Variants in FARP1 observed in about 807,000 individuals in gnomAD.
FARP1 encodes FERM, ARH/RhoGEF and pleckstrin domain protein 1.
FARP1 carries 52 observed loss-of-function variants against 128.8 expected under a neutral mutation model. The ratio of observed to expected loss-of-function variants is 0.40; its 90% CI spans 0.32 to 0.51. FARP1 has a LOEUF of 0.51. FARP1 is among the 20% of genes least tolerant of loss of function. FARP1 has a pLI of 0.45. For synonymous variants in FARP1, 580 were observed against 551.8 expected (o/e 1.05, Z -0.72); for missense variants, 1,333 against 1,367.9 (o/e 0.97, Z 0.40).
intron 3 of FARP1, among the ~76,000 whole-genome samples, chr13:98,356,479 G>A (rs1045750193): frequency 1.3e-5 from 2 of 152,068 alleles, no homozygotes; most frequent in Admixed American, 6.5e-5. Context: ...TCACTATGCG[G>A]TGCATGACTG....
At chr13:98,332,326 TA>T (rs1238259907) in intron 2 of FARP1, 1 of 152,150 alleles carries the variant, frequency 6.6e-6, no homozygotes, top group Admixed American at 6.6e-5. Context: ...TACCTGTTTG[TA>T]AAGTTCTTTT....
In FARP1 at chr13:98,354,100, A is replaced by G. The variant is rs139258762; in HGVS notation, c.276+10234A>G. Reference sequence around the variant, plus strand: ...CCTGAAACCCCACACATTGCATTGTAATATTGTCTTGGTTTGATTCCAAAG... The same window carrying G: ...CCTGAAACCCCACACATTGCATTGTGATATTGTCTTGGTTTGATTCCAAAG... On this transcript the variant is annotated intron_variant, in intron 3 of 26. Coordinates refer to ENST00000319562, the MANE Select transcript of FARP1 (RefSeq NM_005766.4). Among the ~76,000 whole-genome samples the G allele has an allele frequency of 2.4e-3, 365 of 152,352 alleles. 5 individuals carry two copies. Among genetic ancestry groups the G allele is most frequent in the African/African-American group, 8.0e-3 (332 of 41,586 alleles).
chr13:98,434,649 T>C (rs1566317376), intron 18 of FARP1: 1 of 152,202 alleles, frequency 6.6e-6, no homozygotes, highest in Non-Finnish European at 1.5e-5. Flanking sequence ...AATCAGGCAC[T>C]AGCTTCTTTT....
At chr13:98,240,252 CGAAT>C (rs1205856579) in intron 2 of FARP1, among the ~76,000 whole-genome samples, 1 of 152,138 alleles carries the variant, frequency 6.6e-6, no homozygotes, top group Non-Finnish European at 1.5e-5. Context: ...CACGCGATGA[CGAAT>C]GAATGATTAG....
chr13:98,390,598 A>T, intron 10 of FARP1: 5 of 525,830 alleles, frequency 9.5e-6, no homozygotes, highest in Non-Finnish European at 1.7e-5. Context: ...TTAATTGAAC[A>T]TTTTTTCTGT....
intron 2 of FARP1, among the ~76,000 whole-genome samples, chr13:98,252,859 A>G (rs1278891300): frequency 6.6e-6 from 1 of 152,218 alleles, no homozygotes; most frequent in African/African-American, 2.4e-5. Context: ...TTCAGAGGAA[A>G]ATATATCTGC....
At chr13:98,410,359 C>A (rs1891144850) in intron 14 of FARP1, among the ~76,000 whole-genome samples, 1 of 152,170 alleles carries the variant, frequency 6.6e-6, no homozygotes, top group African/African-American at 2.4e-5. Context: ...AACACCAACT[C>A]CACCAACGGA....
chr13:98,238,740 A>G (rs1411174375), intron 2 of FARP1, among the ~76,000 whole-genome samples: 1 of 152,218 alleles, frequency 6.6e-6, no homozygotes, highest in Admixed American at 6.5e-5. Context: ...TGTGGGAAGT[A>G]TGGGAACTAC....
At chr13:98,307,529 C>G (rs1431260434) in intron 2 of FARP1, among the ~76,000 whole-genome samples, 2 of 152,144 alleles carry the variant, frequency 1.3e-5, no homozygotes, top group African/African-American at 2.4e-5. Context: ...GAGTCCTGTT[C>G]ACACGCTACA....
intron 19 of FARP1, among the ~76,000 whole-genome samples, chr13:98,438,340 A>G (rs1271771408): frequency 1.3e-5 from 2 of 152,010 alleles, no homozygotes; most frequent in African/African-American, 4.8e-5. Flanking sequence ...CCTTGCTGCC[A>G]CTTTTTATAG....
intron 10 of FARP1, 189 bp from the exon 11 acceptor site, chr13:98,390,623 T>C (rs1195221876): frequency 5.5e-6 from 3 of 544,954 alleles, no homozygotes; most frequent in Non-Finnish European, 9.8e-6. Context: ...TCAAGGAAAA[T>C]ATCAAGAGAC....
At chr13:98,179,649 G>A (rs748235074) in intron 1 of FARP1, among the ~76,000 whole-genome samples, 1 of 151,980 alleles carries the variant, frequency 6.6e-6, no homozygotes, top group Non-Finnish European at 1.5e-5. Flanking sequence ...TGGATCACGA[G>A]GTCAGGAGAT....
At chr13:98,393,113 G>GT (rs1039431784) in intron 11 of FARP1, among the ~76,000 whole-genome samples, 8 of 152,358 alleles carry the variant, frequency 5.3e-5, no homozygotes, top group African/African-American at 1.9e-4. Context: ...TGAAAGAGAC[G>GT]TGTCAAGATG....
intron 2 of FARP1, among the ~76,000 whole-genome samples, chr13:98,304,896 A>G (rs1886074066): frequency 2.0e-5 from 3 of 152,194 alleles, no homozygotes; most frequent in South Asian, 4.1e-4. Flanking sequence ...AAAGAATATA[A>G]CAAAGCATGT....
At chr13:98,376,233 T>A (rs1381543926) in intron 5 of FARP1, among the ~76,000 whole-genome samples, 2 of 152,178 alleles carry the variant, frequency 1.3e-5, no homozygotes, top group Non-Finnish European at 2.9e-5. Context: ...TCTTATTCAT[T>A]CTATCTCATT....
At chr13:98,377,961 C>A in intron 6 of FARP1, 43 bp downstream of exon 6, 1 of 1,362,196 alleles carries the variant, frequency 7.3e-7, no homozygotes, top group Non-Finnish European at 1.0e-6. Context: ...TTCAAAATAA[C>A]ACAGTGATCT....
At chr13:98,217,376 A>T (rs969428415) in intron 2 of FARP1, among the ~76,000 whole-genome samples, 7 of 152,134 alleles carry the variant, frequency 4.6e-5, no homozygotes, top group African/African-American at 1.7e-4. Context: ...AGGCGGGTGG[A>T]CGATGGCAGA....
chr13:98,428,776 G>T (rs1002079647), intron 17 of FARP1, among the ~76,000 whole-genome samples: 3 of 152,216 alleles, frequency 2.0e-5, no homozygotes, highest in Non-Finnish European at 4.4e-5. Flanking sequence ...ATACAGGGAA[G>T]ACCTTTGGAC....
chr13:98,441,244 G>C (rs12874175), intron 24 of FARP1, among the ~76,000 whole-genome samples: 8,432 of 152,304 alleles, frequency 0.055, 257 homozygotes, highest in Middle Eastern at 0.11. Context: ...TGGGAGGGAG[G>C]AGAGTCTGCA....
Sources: allele counts gnomAD v4.1 joint callset (sites outside exome capture counted in the v4.1 genomes callset), GRCh38; gene constraint gnomAD v4.1.1; transcripts MANE v1.5; gene names NCBI Gene and HGNC (gene_info 2026-07-23, HGNC 2026-07-21).